IGSF11: variants seen among roughly 807,000 people sequenced by gnomAD.
IGSF11 encodes immunoglobulin superfamily member 11.
IGSF11 carries 22 observed loss-of-function variants against 41.0 expected under a neutral mutation model. The ratio of observed to expected loss-of-function variants is 0.54; its 90% CI spans 0.38 to 0.77. The LOEUF is 0.77. Among genes scored for constraint, IGSF11 ranks in the 30% least tolerant of loss-of-function variants. The pLI is 0.00. For missense variants in IGSF11, 444 were observed against 530.8 expected (o/e 0.84, Z 1.61); for synonymous variants, 219 against 201.3 (o/e 1.09, Z -0.74).
chr3:119,098,813 T>C (rs1481044064), intron 1 of IGSF11, among the ~76,000 whole-genome samples: 1 of 152,206 alleles, frequency 6.6e-6, no homozygotes, highest in Non-Finnish European at 1.5e-5. Flanking sequence ...TTTGCTGCTC[T>C]CTAGTGGGAG....
At chr3:118,965,363 G>A (rs192692181) in intron 1 of IGSF11, among the ~76,000 whole-genome samples, 1 of 151,972 alleles carries the variant, frequency 6.6e-6, no homozygotes, top group East Asian at 1.9e-4. Context: ...TAAAGGGAGG[G>A]AAAAGTAAGA....
rs987185726 is a variant in IGSF11 at position 119,002,476 on chromosome 3, A to C, written c.52+32055T>G. Among the ~76,000 whole-genome samples the C allele has an allele frequency of 1.7e-4, 23 of 134,774 alleles. 1 individual carries two copies. Among genetic ancestry groups the C allele is most frequent in the Non-Finnish European group, 2.4e-4 (16 of 65,566 alleles). The allele number at this position is 134,774 out of a possible 152,430, so 88.4% of individuals were successfully genotyped here. On this transcript the variant is annotated intron_variant, in intron 1 of 6. Coordinates refer to ENST00000393775, the MANE Select transcript of IGSF11 (RefSeq NM_001015887.3). ...TGCTGTGCAGAAGCTCTTTAGTTTA[A>C]TTAGGTCCCATTTGTCAATTTTGGC...
chr3:119,110,844 T>A (rs981399750), intron 1 of IGSF11, among the ~76,000 whole-genome samples: 13 of 151,632 alleles, frequency 8.6e-5, no homozygotes, highest in African/African-American at 1.2e-4. Flanking sequence ...TCTCCTTCAC[T>A]TATGAAGCTT....
intron 1 of IGSF11, among the ~76,000 whole-genome samples, chr3:118,946,439 T>C (rs1944147564): frequency 6.8e-6 from 1 of 147,210 alleles, no homozygotes; most frequent in Non-Finnish European, 1.5e-5. Context: ...AATGAGCCTA[T>C]TTTACTTAAA....
In IGSF11 at chr3:119,016,229, C is replaced by T. The variant is rs76964840; in HGVS notation, c.52+18302G>A. Among the ~76,000 whole-genome samples the T allele has an allele frequency of 2.5e-3, 378 of 152,192 alleles. 4 individuals are homozygous for T. The highest frequency in any genetic ancestry group is 8.8e-3 in the African/African-American group (364 of 41,512). ...AGAGAGGTGTGGCAGCCCCCAGGAG[C>T]GAGGCTGTAAGGGTCCTGGGAGCTG... is the stretch of plus-strand genomic sequence containing the variant. On this transcript the variant is annotated intron_variant, in intron 1 of 6. Coordinates refer to ENST00000393775, the MANE Select transcript of IGSF11 (RefSeq NM_001015887.3).
intron 1 of IGSF11, among the ~76,000 whole-genome samples, chr3:119,126,617 C>G (rs769193965): frequency 3.9e-5 from 6 of 152,212 alleles, no homozygotes; most frequent in Admixed American, 6.5e-5. Context: ...AACGATCCTA[C>G]TGGCATCAGG....
intron 1 of IGSF11, 99 bp downstream of exon 1, chr3:119,034,432 G>A (rs1208665472): frequency 4.2e-6 from 5 of 1,197,226 alleles, no homozygotes; most frequent in African/African-American, 3.2e-5. Flanking sequence ...CCCGACCCTC[G>A]GCAAAGCAAG....
In IGSF11 at chr3:119,034,527, T is replaced by C; in HGVS notation, c.52+4A>G. The C allele has an allele frequency of 1.3e-6, 2 of 1,578,218 alleles. No individual in the cohort carries two copies. Among genetic ancestry groups the C allele is most frequent in the Non-Finnish European group, 1.7e-6 (2 of 1,162,632 alleles). On this transcript the variant is annotated splice_donor_region_variant and intron_variant, in intron 1 of 6. Coordinates refer to ENST00000393775, the MANE Select transcript of IGSF11 (RefSeq NM_001015887.3). Reference sequence around the variant, plus strand: ...ACCGGGAAGAAAGGGCTGGAGCTACTCACCGTGCAGAGAGAGGAGCAGCAA... The same window carrying C: ...ACCGGGAAGAAAGGGCTGGAGCTACCCACCGTGCAGAGAGAGGAGCAGCAA...
At chr3:118,970,919 T>C (rs915077962) in intron 1 of IGSF11, among the ~76,000 whole-genome samples, 6 of 151,868 alleles carry the variant, frequency 4.0e-5, no homozygotes, top group African/African-American at 7.3e-5. Flanking sequence ...AGACCAAAAA[T>C]AGTGTGTGGT....
rs187866594 is a variant in IGSF11, at chr3:118,941,675, A to C, written c.53-11400T>G. Among the ~76,000 whole-genome samples, 3 of 152,348 alleles carry C rather than the reference A, an allele frequency of 2.0e-5. No homozygotes were observed. In the East Asian group the frequency reaches 5.8e-4, roughly 29 times the overall value. ...CAGAAAAACCTATATGCAAATGTTC[A>C]CTGCATCTTTATTTGTAATAGCCAA... On this transcript the variant is annotated intron_variant, in intron 1 of 6. Coordinates refer to ENST00000393775, the MANE Select transcript of IGSF11 (RefSeq NM_001015887.3).
At chr3:118,966,171 C>T (rs527560925) in intron 1 of IGSF11, among the ~76,000 whole-genome samples, 1 of 152,116 alleles carries the variant, frequency 6.6e-6, no homozygotes, top group Non-Finnish European at 1.5e-5. Context: ...ACATAATATA[C>T]GTATGATCAA....
intron 1 of IGSF11, among the ~76,000 whole-genome samples, chr3:118,950,226 G>A (rs898589586): frequency 3.9e-5 from 6 of 152,054 alleles, no homozygotes; most frequent in African/African-American, 1.4e-4. Flanking sequence ...TGGCAAAAGA[G>A]AAACAATCCT....
intron 1 of IGSF11, among the ~76,000 whole-genome samples, chr3:118,956,983 G>A (rs1945005996): frequency 6.6e-6 from 1 of 151,996 alleles, no homozygotes; most frequent in South Asian, 2.1e-4. Context: ...TTATTAAGAG[G>A]AATTGGCTCA....
At chr3:119,137,807 C>T (rs2077582775) in intron 1 of IGSF11, among the ~76,000 whole-genome samples, 1 of 152,122 alleles carries the variant, frequency 6.6e-6, no homozygotes, top group African/African-American at 2.4e-5. Context: ...TCAAACTACC[C>T]ATCTGACAAG....
chr3:118,943,910 T>C (rs887253197), intron 1 of IGSF11, among the ~76,000 whole-genome samples: 1 of 152,216 alleles, frequency 6.6e-6, no homozygotes, highest in Admixed American at 6.5e-5. Context: ...AGCATTCATA[T>C]GACAAAAGTG....
Position 118,902,902 on chromosome 3 carries a change from G to A in IGSF11, c.914C>T (p.Ser305Phe), listed in dbSNP as rs745602460. ...SAKAFHTEIS[S>F]SDNNTLTSSN... ...AGAGGTTAGTGTGTTGTTGTCCGAG[G>A]AGGAAATCTCAGTGTGAAATGCTTT... Residue 305 changes from serine (S) to phenylalanine (F), a missense_variant, in exon 7 of 7, where the codon TCC becomes TTC. By Grantham distance (155) the Ser-to-Phe change is radical. Coordinates refer to ENST00000393775, the MANE Select transcript of IGSF11 (RefSeq NM_001015887.3). 6.2e-7 allele frequency: 1 copy of A among 1,614,182 alleles called. No homozygotes were observed. The highest frequency in any genetic ancestry group is 2.2e-5 in the East Asian group (1 of 44,890).
At chr3:119,120,059 G>C (rs567032076) in intron 1 of IGSF11, among the ~76,000 whole-genome samples, 1 of 152,184 alleles carries the variant, frequency 6.6e-6, no homozygotes, top group Non-Finnish European at 1.5e-5. Context: ...TCAGTCATTC[G>C]TCTCTGACTG....
chr3:119,056,831 T>C (rs1447205102), intron 1 of IGSF11, among the ~76,000 whole-genome samples: 1 of 152,178 alleles, frequency 6.6e-6, no homozygotes, highest in Admixed American at 6.5e-5. Context: ...TGCAAATCAA[T>C]CAACTTAATC....
chr3:118,975,363 T>TTAAA (rs765744961), intron 1 of IGSF11, among the ~76,000 whole-genome samples: 1 of 140,700 alleles, frequency 7.1e-6, no homozygotes, highest in African/African-American at 2.6e-5. Context: ...CTGCTGGATT[T>TTAAA]AAAAAAAAAA....
Sources: allele counts gnomAD v4.1 joint callset (sites outside exome capture counted in the v4.1 genomes callset), GRCh38; gene constraint gnomAD v4.1.1; transcripts MANE v1.5; gene names NCBI Gene and HGNC (gene_info 2026-07-23, HGNC 2026-07-21).